PACRG: variants seen among roughly 807,000 people sequenced by gnomAD.
PACRG encodes parkin coregulated gene protein.
In PACRG, 29 loss-of-function variants were observed where a neutral mutation model predicts 29.7. The observed-to-expected ratio is 0.98, with a 90% CI of 0.73 to 1.33. The LOEUF (loss-of-function observed/expected upper bound fraction) is 1.33, where lower values mean the gene tolerates loss of function less well. PACRG is among the 40% of genes most tolerant of loss of function. The probability of loss-of-function intolerance (pLI) is 0.00; values close to 1 mark genes in which losing one functional copy is unlikely to be tolerated. For synonymous variants in PACRG, 116 were observed against 118.7 expected (o/e 0.98, Z 0.15); for missense variants, 279 against 316.2 (o/e 0.88, Z 0.89).
intron 2 of PACRG, among the ~76,000 whole-genome samples, chr6:162,826,618 C>T (rs1002995977): frequency 1.3e-5 from 2 of 152,020 alleles, no homozygotes; most frequent in Admixed American, 6.6e-5. Flanking sequence ...CATGCGCCAC[C>T]ACACCCAGCT....
At chr6:162,990,427 A>T (rs1803348417) in intron 2 of PACRG, among the ~76,000 whole-genome samples, 1 of 149,972 alleles carries the variant, frequency 6.7e-6, no homozygotes, top group South Asian at 2.1e-4. Context: ...AATGATTGCC[A>T]TTCTAACTGG....
chr6:163,204,809 C>T (rs924702646), intron 4 of PACRG, among the ~76,000 whole-genome samples: 2 of 152,162 alleles, frequency 1.3e-5, no homozygotes, highest in Non-Finnish European at 2.9e-5. Flanking sequence ...TGATTCTATA[C>T]CTACAAAACC....
chr6:162,919,936 A>G (rs1465631412), intron 2 of PACRG, among the ~76,000 whole-genome samples: 1 of 152,194 alleles, frequency 6.6e-6, no homozygotes, highest in Non-Finnish European at 1.5e-5. Context: ...GTGAATATCT[A>G]GATCTTCTAA....
At chr6:163,301,448 T>G (rs1482960285) in intron 4 of PACRG, among the ~76,000 whole-genome samples, 1 of 152,162 alleles carries the variant, frequency 6.6e-6, no homozygotes, top group Non-Finnish European at 1.5e-5. Flanking sequence ...TAATCAGAGA[T>G]GTAAGCAGGG....
chr6:163,073,390 T>G (rs2128281725), intron 3 of PACRG, among the ~76,000 whole-genome samples: 1 of 152,290 alleles, frequency 6.6e-6, no homozygotes, highest in South Asian at 2.1e-4. Context: ...TGCACAAGAA[T>G]GAAACTAGAC....
At chr6:163,304,306 A>C (rs1348062459) in intron 4 of PACRG, among the ~76,000 whole-genome samples, 1 of 152,212 alleles carries the variant, frequency 6.6e-6, no homozygotes, top group Non-Finnish European at 1.5e-5. Flanking sequence ...CATGGTGGCC[A>C]CTACACCTAC....
chr6:162,727,511 G>T, upstream of PACRG: 2 of 844,964 alleles, frequency 2.4e-6, no homozygotes, highest in Non-Finnish European at 3.6e-6. Context: ...GAGCTGGGGA[G>T]CCCGGCGGCG....
At chr6:162,856,116 G>A (rs1024206972) in intron 2 of PACRG, among the ~76,000 whole-genome samples, 2 of 152,122 alleles carry the variant, frequency 1.3e-5, no homozygotes, top group South Asian at 2.1e-4. Context: ...GAGTGCAGTG[G>A]TGTGATTACA....
intron 2 of PACRG, among the ~76,000 whole-genome samples, chr6:163,006,549 T>C (rs1018357127): frequency 6.6e-6 from 1 of 151,880 alleles, no homozygotes; most frequent in Non-Finnish European, 1.5e-5. Flanking sequence ...TTGAAATATC[T>C]GACTATAGTT....
intron 1 of PACRG, among the ~76,000 whole-genome samples, chr6:162,772,105 GA>G (rs1303761661): frequency 6.6e-6 from 1 of 152,138 alleles, no homozygotes; most frequent in African/African-American, 2.4e-5. Context: ...GGAGAAAACA[GA>G]AAATGCTTTC....
At chr6:162,750,525 A>G (rs1295105341) in intron 1 of PACRG, among the ~76,000 whole-genome samples, 1 of 152,226 alleles carries the variant, frequency 6.6e-6, no homozygotes, top group Non-Finnish European at 1.5e-5. Flanking sequence ...AAGCTAGACT[A>G]GGCATTTGTA....
At chr6:163,227,450 A>C (rs1781851771) in intron 4 of PACRG, among the ~76,000 whole-genome samples, 2 of 152,184 alleles carry the variant, frequency 1.3e-5, no homozygotes, top group Non-Finnish European at 2.9e-5. Context: ...TTTGAGCGCG[A>C]TCAGATATTC....
chr6:162,792,918 T>C (rs1225687850), intron 1 of PACRG, among the ~76,000 whole-genome samples: 1 of 152,162 alleles, frequency 6.6e-6, no homozygotes, highest in East Asian at 1.9e-4. Context: ...TTACACTTTA[T>C]TGGGACTAAA....
At chr6:162,962,537 G>T (rs904400122) in intron 2 of PACRG, among the ~76,000 whole-genome samples, 4 of 150,478 alleles carry the variant, frequency 2.7e-5, no homozygotes, top group African/African-American at 1.0e-4. Flanking sequence ...ATGAAAGTGG[G>T]GCCCCCATGA....
At chr6:163,195,689 C>G (rs1354677739) in intron 4 of PACRG, among the ~76,000 whole-genome samples, 2 of 152,328 alleles carry the variant, frequency 1.3e-5, no homozygotes, top group South Asian at 2.1e-4. Flanking sequence ...CCCGACCCCC[C>G]TCTCAGCCTC....
At chr6:163,068,641 C>T (rs902661382) in intron 3 of PACRG, among the ~76,000 whole-genome samples, 1 of 152,076 alleles carries the variant, frequency 6.6e-6, no homozygotes, top group African/African-American at 2.4e-5. Context: ...TAATGCCTCC[C>T]AGTGGATTCT....
At chr6:162,930,913 C>T (rs1013795688) in intron 2 of PACRG, among the ~76,000 whole-genome samples, 1 of 151,780 alleles carries the variant, frequency 6.6e-6, no homozygotes, top group African/African-American at 2.4e-5. Context: ...CCTTGCATCC[C>T]TGGGATGCAT....
chr6:163,214,910 A>G (rs1308562975), intron 4 of PACRG, among the ~76,000 whole-genome samples: 1 of 152,228 alleles, frequency 6.6e-6, no homozygotes, highest in Non-Finnish European at 1.5e-5. Context: ...GGCTTAAAAA[A>G]GAAATCTGTC....
chr6:162,998,178 T>C (rs549452880), intron 2 of PACRG, among the ~76,000 whole-genome samples: 1 of 152,318 alleles, frequency 6.6e-6, no homozygotes, highest in South Asian at 2.1e-4. Flanking sequence ...TATTGCAACC[T>C]CCCACCCAGG....
Sources: allele counts gnomAD v4.1 joint callset (sites outside exome capture counted in the v4.1 genomes callset), GRCh38; gene constraint gnomAD v4.1.1; transcripts MANE v1.5; gene names NCBI Gene and HGNC (gene_info 2026-07-23, HGNC 2026-07-21).